Variants in GPC5 observed in about 807,000 individuals in gnomAD.
GPC5 encodes the protein glypican 5.
A neutral mutation model predicts 53.9 loss-of-function variants in GPC5; 47 were observed. That is an observed-to-expected ratio of 0.87 (90% confidence interval 0.69 to 1.11). GPC5 has a LOEUF of 1.11. Ranked by LOEUF, GPC5 falls within the 50% of genes most tolerant of loss-of-function variation. GPC5 has a pLI of 0.00. For missense variants in GPC5, 748 were observed against 713.1 expected (o/e 1.05, Z -0.56); for synonymous variants, 286 against 263.3 (o/e 1.09, Z -0.84).
At chr13:91,700,158 G>A (rs549157365) in intron 3 of GPC5, among the ~76,000 whole-genome samples, 2 of 152,224 alleles carry the variant, frequency 1.3e-5, no homozygotes, top group Non-Finnish European at 2.9e-5. Context: ...GGCTGTGCTA[G>A]TGGAGTGGTG....
intron 7 of GPC5, among the ~76,000 whole-genome samples, chr13:92,602,220 A>ATAAC (rs199679809): frequency 9.1e-6 from 1 of 110,254 alleles, no homozygotes; most frequent in African/African-American, 3.4e-5. Flanking sequence ...CATATATATA[A>ATAAC]ATATATATAT....
intron 7 of GPC5, among the ~76,000 whole-genome samples, chr13:92,621,596 G>T (rs1176048206): frequency 6.6e-6 from 1 of 152,052 alleles, no homozygotes; most frequent in African/African-American, 2.4e-5. Flanking sequence ...CAAAGTGGGG[G>T]ATCACCTGTG....
At chr13:92,612,745 G>T (rs1187086026) in intron 7 of GPC5, among the ~76,000 whole-genome samples, 2 of 151,930 alleles carry the variant, frequency 1.3e-5, no homozygotes, top group Non-Finnish European at 2.9e-5. Flanking sequence ...AAACAATATT[G>T]CCTGTTCTGT....
chr13:91,859,090 A>G (rs2138907517), intron 5 of GPC5, among the ~76,000 whole-genome samples: 1 of 151,608 alleles, frequency 6.6e-6, no homozygotes, highest in Admixed American at 6.6e-5. Context: ...ATCTTTTTAA[A>G]AAACAAACTT....
At chr13:92,356,564 G>C (rs895628946) in intron 7 of GPC5, among the ~76,000 whole-genome samples, 8 of 152,174 alleles carry the variant, frequency 5.3e-5, no homozygotes, top group African/African-American at 1.9e-4. Context: ...AAAGACAAAG[G>C]TAAAAAGATT....
intron 6 of GPC5, among the ~76,000 whole-genome samples, chr13:91,984,119 G>A (rs867350097): frequency 2.2e-4 from 34 of 151,926 alleles, no homozygotes; most frequent in Non-Finnish European, 5.9e-5. Flanking sequence ...AGTTGTTTTC[G>A]GTGGTCCTCA....
At chr13:92,132,534 A>G (rs945022632) in intron 6 of GPC5, among the ~76,000 whole-genome samples, 7 of 152,094 alleles carry the variant, frequency 4.6e-5, no homozygotes, top group Admixed American at 4.6e-4. Flanking sequence ...AATCACTGGT[A>G]TACCTGAGTT....
At chr13:92,629,032 C>T (rs758940284) in intron 7 of GPC5, among the ~76,000 whole-genome samples, 6 of 152,282 alleles carry the variant, frequency 3.9e-5, no homozygotes, top group East Asian at 1.9e-4. Context: ...CATACACCTA[C>T]GCCTATCTTG....
intron 7 of GPC5, among the ~76,000 whole-genome samples, chr13:92,859,529 C>G (rs1451322688): frequency 6.6e-6 from 1 of 151,928 alleles, no homozygotes; most frequent in Non-Finnish European, 1.5e-5. Context: ...TTCATTAACT[C>G]ATAGTATTTT....
intron 4 of GPC5, among the ~76,000 whole-genome samples, chr13:91,746,507 G>T (rs1335667832): frequency 6.6e-6 from 1 of 152,184 alleles, no homozygotes; most frequent in African/African-American, 2.4e-5. Context: ...TGGAAAAAAA[G>T]AGGGGTGCAA....
chr13:92,064,610 G>C (rs1030620959), intron 6 of GPC5, among the ~76,000 whole-genome samples: 3 of 151,924 alleles, frequency 2.0e-5, no homozygotes, highest in Admixed American at 2.0e-4. Context: ...ACAAAAATTA[G>C]CTAGGCGTGG....
At chr13:91,842,571 G>A (rs1202833737) in intron 5 of GPC5, among the ~76,000 whole-genome samples, 1 of 149,976 alleles carries the variant, frequency 6.7e-6, no homozygotes, top group Non-Finnish European at 1.5e-5. Context: ...GCGTGTTGGC[G>A]GGCGCCTGTA....
At chr13:91,983,571 G>C (rs538342645) in intron 6 of GPC5, among the ~76,000 whole-genome samples, 12 of 152,208 alleles carry the variant, frequency 7.9e-5, no homozygotes, top group African/African-American at 2.6e-4. Flanking sequence ...GTCTCTCCAG[G>C]TCTACCCCAC....
At chr13:92,615,120 A>G (rs1005930310) in intron 7 of GPC5, among the ~76,000 whole-genome samples, 7 of 152,214 alleles carry the variant, frequency 4.6e-5, no homozygotes, top group Admixed American at 3.3e-4. Flanking sequence ...GCAGAGTCAC[A>G]TAATTGAAAT....
At chr13:91,713,818 A>G (rs2036278940) in intron 3 of GPC5, among the ~76,000 whole-genome samples, 1 of 152,172 alleles carries the variant, frequency 6.6e-6, no homozygotes, top group African/African-American at 2.4e-5. Context: ...CCTGATTCCT[A>G]TTGATTTTAT....
At chr13:91,740,874 C>T (rs1490648153) in intron 4 of GPC5, among the ~76,000 whole-genome samples, 1 of 152,122 alleles carries the variant, frequency 6.6e-6, no homozygotes, top group African/African-American at 2.4e-5. Context: ...AAGCTTAAAT[C>T]GGTGATAATT....
chr13:92,850,042 A>C (rs1384630387), intron 7 of GPC5, among the ~76,000 whole-genome samples: 2 of 152,238 alleles, frequency 1.3e-5, no homozygotes, highest in African/African-American at 4.8e-5. Flanking sequence ...GTAAGTTGAC[A>C]TCAAAGTGAC....
At chr13:92,045,690 C>G (rs191741861) in intron 6 of GPC5, among the ~76,000 whole-genome samples, 11 of 152,106 alleles carry the variant, frequency 7.2e-5, no homozygotes, top group Admixed American at 5.9e-4. Flanking sequence ...ATTAATGTCA[C>G]TAGAGAAGAT....
At chr13:92,496,889 T>G (rs994664161) in intron 7 of GPC5, among the ~76,000 whole-genome samples, 1 of 152,122 alleles carries the variant, frequency 6.6e-6, no homozygotes, top group African/African-American at 2.4e-5. Flanking sequence ...GCTTGCCTCC[T>G]CAGAAGAAAG....
Sources: gnomAD v4.1 joint callset for allele counts (sites outside exome capture counted in the v4.1 genomes callset) on GRCh38, gnomAD v4.1.1 for gene constraint, MANE v1.5 for transcripts, NCBI Gene and HGNC (gene_info 2026-07-23, HGNC 2026-07-21) for gene names.